The following TENM3 variants were observed in gnomAD, a reference collection of about 807,000 sequenced individuals.
TENM3 encodes teneurin transmembrane protein 3.
In TENM3, 63 loss-of-function variants were observed where a neutral mutation model predicts 255.1. The observed-to-expected ratio is 0.25, with a 90% confidence interval of 0.20 to 0.30. The LOEUF (loss-of-function observed/expected upper bound fraction) is 0.30, where lower values mean the gene tolerates loss of function less well. Among genes scored for constraint, TENM3 ranks in the 10% least tolerant of loss-of-function variants. The pLI is 1.00. For synonymous variants in TENM3, 1,306 were observed against 1,322.3 expected (o/e 0.99, Z 0.27); for missense variants, 2,929 against 3,461.1 (o/e 0.85, Z 3.86).
the TENM3 span, among the ~76,000 whole-genome samples, chr4:181,735,888 T>C: frequency 6.6e-6 from 1 of 152,212 alleles, no homozygotes; most frequent in Non-Finnish European, 1.5e-5. Flanking sequence ...TCAAAGTTGG[T>C]ATTTTTGTCA....
intron 1 of TENM3, among the ~76,000 whole-genome samples, chr4:182,202,235 C>G (rs750780382): frequency 6.6e-6 from 1 of 150,446 alleles, no homozygotes; most frequent in South Asian, 2.1e-4. Context: ...AATTCTAAAA[C>G]GGATTGGAAG....
intron 1 of TENM3, among the ~76,000 whole-genome samples, chr4:182,308,266 G>A (rs1002893132): frequency 7.2e-5 from 11 of 152,054 alleles, no homozygotes; most frequent in African/African-American, 1.4e-4. Context: ...TGGGTTGGGC[G>A]TTGTCTACCT....
intron 3 of TENM3, among the ~76,000 whole-genome samples, chr4:182,483,327 C>G (rs1734382088): frequency 6.6e-6 from 1 of 152,088 alleles, no homozygotes; most frequent in Non-Finnish European, 1.5e-5. Context: ...GTACCATTTT[C>G]CAGAGCTATC....
At chr4:181,466,407 C>T in the TENM3 span, among the ~76,000 whole-genome samples, 6 of 152,070 alleles carry the variant, frequency 3.9e-5, no homozygotes, top group East Asian at 1.9e-4. Context: ...TGAGCCACCG[C>T]GCCTGGCCTG....
chr4:181,485,822 A>G, the TENM3 span, among the ~76,000 whole-genome samples: 30 of 152,184 alleles, frequency 2.0e-4, no homozygotes, highest in Non-Finnish European at 3.8e-4. Flanking sequence ...ATAAGATAAA[A>G]TCTAATTTAT....
chr4:181,944,074 T>G, the TENM3 span, among the ~76,000 whole-genome samples: 8 of 152,234 alleles, frequency 5.3e-5, no homozygotes, highest in East Asian at 1.6e-3. Flanking sequence ...CAGGAGCAGG[T>G]ATTAGTCAGG....
intron 1 of TENM3, among the ~76,000 whole-genome samples, chr4:182,195,012 CA>C (rs1299938239): frequency 2.1e-5 from 3 of 146,188 alleles, no homozygotes; most frequent in African/African-American, 7.8e-5. Context: ...AAGTGACCAA[CA>C]CAGTCTCTAT....
intron 6 of TENM3, among the ~76,000 whole-genome samples, chr4:182,654,579 A>G (rs1753600453): frequency 6.6e-6 from 1 of 152,126 alleles, no homozygotes. Context: ...TTTGCAAAAT[A>G]TCATAATACT....
chr4:181,521,362 T>G, the TENM3 span, among the ~76,000 whole-genome samples: 1 of 152,242 alleles, frequency 6.6e-6, no homozygotes, highest in Non-Finnish European at 1.5e-5. Flanking sequence ...TAGTTCTTGT[T>G]AAATATATAA....
chr4:181,636,521 C>T, the TENM3 span, among the ~76,000 whole-genome samples: 1 of 152,188 alleles, frequency 6.6e-6, no homozygotes, highest in Non-Finnish European at 1.5e-5. Flanking sequence ...TCTAGCTGAT[C>T]TTTGACACAC....
At chr4:182,726,180 A>G (rs1040860268) in intron 13 of TENM3, among the ~76,000 whole-genome samples, 51 of 152,152 alleles carry the variant, frequency 3.4e-4, no homozygotes, top group African/African-American at 1.2e-3. Context: ...TATAAACTTA[A>G]TTCAGATATT....
intron 1 of TENM3, among the ~76,000 whole-genome samples, chr4:182,243,946 CTTTTTT>C (rs967487689): frequency 2.9e-4 from 21 of 72,882 alleles, no homozygotes; most frequent in African/African-American, 7.9e-4. Flanking sequence ...TTTGTGTTTT[CTTTTTT>C]TTTTTTTTTT....
the TENM3 span, among the ~76,000 whole-genome samples, chr4:181,880,662 C>T: frequency 2.0e-5 from 3 of 152,164 alleles, no homozygotes; most frequent in African/African-American, 7.2e-5. Context: ...GTCCATGGCA[C>T]TTTAGTAGCT....
chr4:182,607,876 G>A (rs1311367260), intron 4 of TENM3, among the ~76,000 whole-genome samples: 1 of 152,150 alleles, frequency 6.6e-6, no homozygotes, highest in African/African-American at 2.4e-5. Context: ...GGTACCTGTA[G>A]AAATGAATTG....
chr4:182,367,454 A>G (rs1258689916), intron 3 of TENM3, among the ~76,000 whole-genome samples: 4 of 152,210 alleles, frequency 2.6e-5, no homozygotes, highest in Non-Finnish European at 5.9e-5. Flanking sequence ...TGAATGGACT[A>G]TATTACGATG....
the TENM3 span, among the ~76,000 whole-genome samples, chr4:181,633,922 T>G: frequency 4.6e-5 from 7 of 152,182 alleles, no homozygotes. Flanking sequence ...ATTTTTTATT[T>G]AAGGTCATGC....
the TENM3 span, among the ~76,000 whole-genome samples, chr4:181,529,298 C>T: frequency 6.6e-6 from 1 of 152,172 alleles, no homozygotes; most frequent in African/African-American, 2.4e-5. Flanking sequence ...GGTCTGCCTT[C>T]CCATCTGTTT....
At chr4:181,709,040 A>G in the TENM3 span, among the ~76,000 whole-genome samples, 1 of 152,224 alleles carries the variant, frequency 6.6e-6, no homozygotes, top group East Asian at 1.9e-4. Context: ...AAAAACCACT[A>G]AGTCTGTAAT....
At chr4:182,456,796 C>A (rs374194238) in intron 3 of TENM3, among the ~76,000 whole-genome samples, 2 of 152,040 alleles carry the variant, frequency 1.3e-5, no homozygotes, top group African/African-American at 4.8e-5. Context: ...AATGTTTTGC[C>A]GTCGAGAGAT....
Sources: allele counts gnomAD v4.1 joint callset (sites outside exome capture counted in the v4.1 genomes callset), GRCh38; gene constraint gnomAD v4.1.1; transcripts MANE v1.5; gene names NCBI Gene and HGNC (gene_info 2026-07-23, HGNC 2026-07-21).